ADGRL3: variants seen among roughly 807,000 people sequenced by gnomAD.
ADGRL3 encodes the protein calcium-independent alpha-latrotoxin receptor 3.
A neutral mutation model predicts 153.5 loss-of-function variants in ADGRL3; 62 were observed. The observed-to-expected ratio is 0.40, with a 90% CI of 0.33 to 0.50. The LOEUF is 0.50. Ranked by LOEUF, ADGRL3 falls within the 20% of genes least tolerant of loss-of-function variation. ADGRL3 has a pLI of 0.47. For missense variants in ADGRL3, 1,641 were observed against 1,859.4 expected (o/e 0.88, Z 2.16); for synonymous variants, 710 against 672.5 (o/e 1.06, Z -0.86).
At chr4:61,709,223 T>G (rs1207926746) in intron 6 of ADGRL3, among the ~76,000 whole-genome samples, 3 of 152,222 alleles carry the variant, frequency 2.0e-5, no homozygotes, top group Non-Finnish European at 4.4e-5. Flanking sequence ...TTCTTAAATT[T>G]ATCCCATTAT....
At chr4:61,596,045 T>A (rs1179466620) in intron 5 of ADGRL3, among the ~76,000 whole-genome samples, 1 of 152,108 alleles carries the variant, frequency 6.6e-6, no homozygotes, top group Non-Finnish European at 1.5e-5. Flanking sequence ...GGGAGGGGTG[T>A]CAATGGTGAT....
chr4:61,982,825 T>A (rs1427345184), intron 18 of ADGRL3, among the ~76,000 whole-genome samples: 1 of 152,194 alleles, frequency 6.6e-6, no homozygotes, highest in Admixed American at 6.5e-5. Flanking sequence ...CCTTAAATCA[T>A]TTTTGAAACA....
chr4:61,234,438 G>A (rs1048740471), intron 1 of ADGRL3, among the ~76,000 whole-genome samples: 2 of 152,066 alleles, frequency 1.3e-5, no homozygotes, highest in African/African-American at 4.8e-5. Flanking sequence ...TGGGAATTCT[G>A]GTAGATACAA....
intron 2 of ADGRL3, among the ~76,000 whole-genome samples, chr4:61,424,424 TA>T (rs938828621): frequency 1.5e-3 from 221 of 152,182 alleles, no homozygotes; most frequent in African/African-American, 5.1e-3. Context: ...GCCACAGCAG[TA>T]ATACAAGAAG....
chr4:61,221,174 C>T (rs746973411), intron 1 of ADGRL3, among the ~76,000 whole-genome samples: 6 of 152,046 alleles, frequency 3.9e-5, no homozygotes, highest in East Asian at 3.8e-4. Context: ...GTTTTATAAA[C>T]GTGTATTAAT....
At position 61,373,192 on chromosome 4, in the gene ADGRL3, C is replaced by T. The variant is rs150790192; in HGVS notation, c.-239-9932C>T. Among the ~76,000 whole-genome samples, 724 of 152,276 alleles carry T rather than the reference C, an allele frequency of 4.8e-3. 9 individuals are homozygous for T. The highest frequency in any genetic ancestry group is 0.017 in the African/African-American group (696 of 41,548). Reference sequence around the variant, plus strand: ...AAATGCAGAAATCACCCGTCTTCGTCGCTCAGGCTGGGAGCTGTAGACCGG... The same window carrying T: ...AAATGCAGAAATCACCCGTCTTCGTTGCTCAGGCTGGGAGCTGTAGACCGG... On this transcript the variant is annotated intron_variant, in intron 1 of 26. Transcript: ENST00000683033.
chr4:61,925,465 G>A (rs1348565320), intron 13 of ADGRL3, among the ~76,000 whole-genome samples: 9 of 152,116 alleles, frequency 5.9e-5, no homozygotes, highest in Admixed American at 5.9e-4. Context: ...AGGAATACCT[G>A]AGCCTGGGTA....
intron 1 of ADGRL3, among the ~76,000 whole-genome samples, chr4:61,244,882 A>G (rs547291289): frequency 1.4e-4 from 1 of 7,384 alleles, no homozygotes; most frequent in East Asian, 9.3e-3. Context: ...TCTACCACTC[A>G]TCTTTGCTTA....
At chr4:62,064,673 T>G (rs575711921) in intron 25 of ADGRL3, among the ~76,000 whole-genome samples, 12 of 151,950 alleles carry the variant, frequency 7.9e-5, no homozygotes, top group Admixed American at 7.9e-4. Flanking sequence ...TTTGGTTGTT[T>G]TTTTTTTTCT....
chr4:61,678,219 T>C (rs1580235929), intron 6 of ADGRL3, among the ~76,000 whole-genome samples: 1 of 152,046 alleles, frequency 6.6e-6, no homozygotes, highest in South Asian at 2.1e-4. Flanking sequence ...ATACTTGGGT[T>C]GCATAATAAG....
At chr4:61,971,016 C>G (rs1250664989) in intron 17 of ADGRL3, among the ~76,000 whole-genome samples, 1 of 152,012 alleles carries the variant, frequency 6.6e-6, no homozygotes, top group Non-Finnish European at 1.5e-5. Context: ...ATGTTTTATG[C>G]TCATGGATAT....
At chr4:62,039,333 G>A (rs1726898370) in intron 24 of ADGRL3, among the ~76,000 whole-genome samples, 1 of 152,112 alleles carries the variant, frequency 6.6e-6, no homozygotes, top group African/African-American at 2.4e-5. Flanking sequence ...TGGATGACCA[G>A]TGTTTTCATA....
At chr4:61,245,988 T>C (rs1456738052) in intron 1 of ADGRL3, among the ~76,000 whole-genome samples, 1 of 152,086 alleles carries the variant, frequency 6.6e-6, no homozygotes, top group African/African-American at 2.4e-5. Context: ...CCACAGTTTG[T>C]TAGCATCTGA....
At chr4:61,387,999 A>C (rs2096758965) in intron 2 of ADGRL3, among the ~76,000 whole-genome samples, 1 of 152,160 alleles carries the variant, frequency 6.6e-6, no homozygotes, top group African/African-American at 2.4e-5. Flanking sequence ...TTCACAATCC[A>C]TGTTCTTCTG....
At chr4:61,451,322 G>C (rs561745456) in intron 2 of ADGRL3, among the ~76,000 whole-genome samples, 1 of 152,108 alleles carries the variant, frequency 6.6e-6, no homozygotes, top group East Asian at 1.9e-4. Context: ...AGAGACCTAA[G>C]TGTAACATAT....
intron 5 of ADGRL3, among the ~76,000 whole-genome samples, chr4:61,601,855 C>T (rs1668547861): frequency 6.6e-6 from 1 of 152,074 alleles, no homozygotes; most frequent in Non-Finnish European, 1.5e-5. Flanking sequence ...ATTTTAAGGT[C>T]TTTCAAACTA....
chr4:61,413,734 G>T (rs1023599220), intron 2 of ADGRL3, among the ~76,000 whole-genome samples: 5 of 151,216 alleles, frequency 3.3e-5, no homozygotes, highest in African/African-American at 1.2e-4. Flanking sequence ...TCCAAATCTG[G>T]AAGTATGAGT....
At chr4:61,401,564 T>C (rs2096930352) in intron 2 of ADGRL3, among the ~76,000 whole-genome samples, 1 of 152,020 alleles carries the variant, frequency 6.6e-6, no homozygotes, top group Non-Finnish European at 1.5e-5. Context: ...GAGTGATTTA[T>C]TGAATAACTA....
intron 6 of ADGRL3, among the ~76,000 whole-genome samples, chr4:61,685,091 A>T (rs961448297): frequency 6.6e-6 from 1 of 151,608 alleles, no homozygotes; most frequent in African/African-American, 2.4e-5. Flanking sequence ...AATTTTTTTA[A>T]TTTTTAGTAG....
Sources: allele counts gnomAD v4.1 joint callset (sites outside exome capture counted in the v4.1 genomes callset), GRCh38; gene constraint gnomAD v4.1.1; transcripts MANE v1.5; gene names NCBI Gene and HGNC (gene_info 2026-07-23, HGNC 2026-07-21).